GRIK4: variants seen among roughly 807,000 people sequenced by gnomAD.
GRIK4 encodes glutamate receptor ionotropic, kainate 4.
GRIK4 carries 40 observed loss-of-function variants against 104.9 expected under a neutral mutation model. The observed-to-expected ratio is 0.38, with a 90% CI of 0.30 to 0.50. The LOEUF is 0.50. GRIK4 is among the 20% of genes least tolerant of loss of function. The pLI is 0.93. For synonymous variants in GRIK4, 485 were observed against 524.9 expected (o/e 0.92, Z 1.04); for missense variants, 1,047 against 1,308.1 (o/e 0.80, Z 3.08).
At chr11:120,735,453 A>G (rs1408310542) in intron 3 of GRIK4, among the ~76,000 whole-genome samples, 1 of 152,076 alleles carries the variant, frequency 6.6e-6, no homozygotes, top group Non-Finnish European at 1.5e-5. Flanking sequence ...AAGCACCCCT[A>G]TGGCCACCAC....
At chr11:120,520,374 C>A (rs1035349746) in intron 1 of GRIK4, among the ~76,000 whole-genome samples, 7 of 152,220 alleles carry the variant, frequency 4.6e-5, no homozygotes, top group Non-Finnish European at 1.0e-4. Context: ...CTGATTTCTT[C>A]GATCCCTGAG....
intron 3 of GRIK4, among the ~76,000 whole-genome samples, chr11:120,680,315 T>G (rs1002826553): frequency 8.0e-5 from 12 of 150,620 alleles, no homozygotes; most frequent in Non-Finnish European, 1.6e-4. Flanking sequence ...TGATCTCAGG[T>G]GATCAACCTG....
chr11:120,909,094 C>G lies in GRIK4; in HGVS notation c.1476+3601C>G, dbSNP rs11218056. Among the ~76,000 whole-genome samples the G allele has an allele frequency of 6.8e-4, 104 of 152,326 alleles. No individual in the cohort carries two copies. In the East Asian group the frequency reaches 0.016, roughly 24 times the overall value. ...GTCAGCCAGAGCAGACACCATGGGC[C>G]GGGCCAGGCCAGCAGGCAGAGCACC... On this transcript the variant is annotated intron_variant, in intron 13 of 20. Transcript: ENST00000527524.
intron 9 of GRIK4, chr11:120,873,543 CT>C (rs1292185021): frequency 6.6e-6 from 1 of 152,590 alleles, no homozygotes; most frequent in Non-Finnish European, 1.5e-5. Context: ...TTACCATGTG[CT>C]TCATACCTAC....
intron 1 of GRIK4, among the ~76,000 whole-genome samples, chr11:120,641,004 G>A (rs545606325): frequency 7.2e-5 from 11 of 152,176 alleles, no homozygotes; most frequent in African/African-American, 1.2e-4. Context: ...GAGCCACCGC[G>A]CCCGGCCCAG....
At chr11:120,686,664 G>T (rs925401768) in intron 3 of GRIK4, among the ~76,000 whole-genome samples, 11 of 152,212 alleles carry the variant, frequency 7.2e-5, no homozygotes, top group African/African-American at 2.7e-4. Context: ...CAAATAACAG[G>T]CTGTCTCAAC....
At chr11:120,671,805 C>G (rs988552758) in intron 3 of GRIK4, among the ~76,000 whole-genome samples, 1 of 152,172 alleles carries the variant, frequency 6.6e-6, no homozygotes, top group Admixed American at 6.5e-5. Context: ...TTCACCCATG[C>G]CTATGTCCTG....
intron 14 of GRIK4, among the ~76,000 whole-genome samples, chr11:120,951,463 A>G (rs1303948583): frequency 2.0e-5 from 3 of 152,356 alleles, no homozygotes; most frequent in Admixed American, 6.5e-5. Context: ...TGGGAAACCC[A>G]GTGTAAAAAT....
At chr11:120,811,353 C>T (rs1952824783) in intron 4 of GRIK4, among the ~76,000 whole-genome samples, 1 of 152,062 alleles carries the variant, frequency 6.6e-6, no homozygotes, top group Admixed American at 6.5e-5. Flanking sequence ...TACAAACATC[C>T]CAGTTAATTG....
At chr11:120,660,484 G>A in intron 3 of GRIK4, 84 bp downstream of exon 3, 1 of 1,070,336 alleles carries the variant, frequency 9.3e-7, no homozygotes, top group African/African-American at 1.6e-5. Context: ...CACAGGACTT[G>A]GGGAAGCTGC....
chr11:120,864,365 G>A (rs1010711478), intron 9 of GRIK4, among the ~76,000 whole-genome samples: 4 of 151,598 alleles, frequency 2.6e-5, no homozygotes, highest in African/African-American at 9.7e-5. Flanking sequence ...CTCAGCCTCC[G>A]GAGTAGCTGG....
At chr11:120,985,032 T>C (rs746395450) in intron 20 of GRIK4, among the ~76,000 whole-genome samples, 1 of 151,936 alleles carries the variant, frequency 6.6e-6, no homozygotes, top group Non-Finnish European at 1.5e-5. Flanking sequence ...TTTCACCATG[T>C]TGGCCAGGCT....
At position 120,544,998 on chromosome 11, in the gene GRIK4, T is replaced by TA. The variant is rs150014224; in HGVS notation, c.-159+33111_-159+33112insA. Among the ~76,000 whole-genome samples, 806 of 152,188 alleles carry TA rather than the reference T, an allele frequency of 5.3e-3. 18 individuals are homozygous for TA. The highest frequency in any genetic ancestry group is 0.038 in the East Asian group (197 of 5,160). ...AACCGTGTGCTGCAGGGTTCCCGCT[T>TA]TCTCTAATTTGTGAATGGGGAAACT... is the stretch of plus-strand genomic sequence containing the variant. On this transcript the variant is annotated intron_variant, in intron 1 of 20. Coordinates refer to ENST00000527524, the MANE Select transcript of GRIK4 (RefSeq NM_014619.5).
At chr11:120,515,479 A>T (rs1483288151) in intron 1 of GRIK4, among the ~76,000 whole-genome samples, 1 of 152,214 alleles carries the variant, frequency 6.6e-6, no homozygotes, top group Non-Finnish European at 1.5e-5. Context: ...GGGCACCTGC[A>T]TGGGTATGGA....
chr11:120,575,428 G>T (rs1239933084), intron 1 of GRIK4, among the ~76,000 whole-genome samples: 1 of 151,986 alleles, frequency 6.6e-6, no homozygotes, highest in Non-Finnish European at 1.5e-5. Context: ...CTGGCGCACG[G>T]GTCCTCTCAC....
chr11:120,770,423 A>G (rs1951919875), intron 3 of GRIK4, among the ~76,000 whole-genome samples: 1 of 152,202 alleles, frequency 6.6e-6, no homozygotes, highest in African/African-American at 2.4e-5. Flanking sequence ...TTTAGTGGCA[A>G]ACTGTTTCTC....
chr11:120,754,705 C>T (rs1307477202), intron 3 of GRIK4, among the ~76,000 whole-genome samples: 3 of 152,172 alleles, frequency 2.0e-5, no homozygotes, highest in Admixed American at 1.3e-4. Context: ...ACATTCCCAC[C>T]AGCAATGTAT....
At chr11:120,631,858 A>C (rs1949337097) in intron 1 of GRIK4, among the ~76,000 whole-genome samples, 1 of 152,152 alleles carries the variant, frequency 6.6e-6, no homozygotes, top group Non-Finnish European at 1.5e-5. Context: ...CACAGGTTCC[A>C]TCTGCTCCAG....
At chr11:120,846,110 A>G (rs571982520) in intron 8 of GRIK4, among the ~76,000 whole-genome samples, 1 of 152,378 alleles carries the variant, frequency 6.6e-6, no homozygotes, top group East Asian at 1.9e-4. Context: ...TCAGAAGGAG[A>G]AAAAACAGAG....
Sources: gnomAD v4.1 joint callset for allele counts (sites outside exome capture counted in the v4.1 genomes callset) on GRCh38, gnomAD v4.1.1 for gene constraint, MANE v1.5 for transcripts, NCBI Gene and HGNC (gene_info 2026-07-23, HGNC 2026-07-21) for gene names.